Variants in NRXN3 observed in about 807,000 individuals in gnomAD.
The protein encoded by NRXN3 is neurexin III.
In NRXN3, 32 loss-of-function variants were observed where a neutral mutation model predicts 137.6. The ratio of observed to expected loss-of-function variants is 0.23; its 90% CI spans 0.18 to 0.31. The LOEUF (loss-of-function observed/expected upper bound fraction) is 0.31, where lower values mean the gene tolerates loss of function less well. Ranked by LOEUF, NRXN3 falls within the 10% of genes least tolerant of loss-of-function variation. The pLI is 1.00. For synonymous variants in NRXN3, 798 were observed against 784.5 expected, an observed-to-expected ratio of 1.02 and a Z score of -0.29; for missense variants, 1,574 against 2,062.5, an observed-to-expected ratio of 0.76 and a Z score of 4.59.
At chr14:79,850,570 G>A (rs2099389454) in intron 20 of NRXN3, among the ~76,000 whole-genome samples, 1 of 152,142 alleles carries the variant, frequency 6.6e-6, no homozygotes, top group African/African-American at 2.4e-5. Flanking sequence ...TTTAGACAGA[G>A]CTATTAGGAC....
At chr14:79,667,526 C>T (rs993168672) in intron 17 of NRXN3, among the ~76,000 whole-genome samples, 3 of 151,832 alleles carry the variant, frequency 2.0e-5, no homozygotes, top group Non-Finnish European at 4.4e-5. Context: ...CCCAGCTGGG[C>T]ACAGGGCATG....
chr14:78,353,438 C>A (rs548161478), intron 4 of NRXN3, among the ~76,000 whole-genome samples: 4 of 152,172 alleles, frequency 2.6e-5, no homozygotes, highest in African/African-American at 9.6e-5. Flanking sequence ...CTTGCTGTGT[C>A]CTCACATGGT....
At chr14:79,353,885 C>T (rs1440560336) in intron 15 of NRXN3, among the ~76,000 whole-genome samples, 1 of 152,012 alleles carries the variant, frequency 6.6e-6, no homozygotes, top group Non-Finnish European at 1.5e-5. Flanking sequence ...GTATGAGGAC[C>T]ACACATTTAT....
intron 6 of NRXN3, among the ~76,000 whole-genome samples, chr14:78,658,210 G>A (rs555680066): frequency 8.5e-5 from 13 of 152,266 alleles, no homozygotes; most frequent in Admixed American, 2.0e-4. Flanking sequence ...CATGAGAAGA[G>A]GGTGGGCTTC....
At chr14:79,847,990 T>C (rs1323893794) in intron 20 of NRXN3, among the ~76,000 whole-genome samples, 3 of 152,062 alleles carry the variant, frequency 2.0e-5, no homozygotes, top group Non-Finnish European at 4.4e-5. Flanking sequence ...ACAGGCTAAA[T>C]CTTTATGCTT....
chr14:79,239,191 G>A (rs138538585), intron 15 of NRXN3, among the ~76,000 whole-genome samples: 2,631 of 152,212 alleles, frequency 0.017, 86 homozygotes, highest in African/African-American at 0.06. Context: ...ATGACAGCAT[G>A]CTGTAATACA....
chr14:79,304,825 A>G (rs551489761), intron 15 of NRXN3, among the ~76,000 whole-genome samples: 21 of 152,156 alleles, frequency 1.4e-4, no homozygotes, highest in African/African-American at 3.9e-4. Context: ...CTCCATTTTA[A>G]TTTAGTTTAA....
rs747370846 is a variant in NRXN3, at chr14:78,956,866, A to G, written c.2276-376A>G. Among the ~76,000 whole-genome samples, 64 of 152,234 alleles carry G rather than the reference A, an allele frequency of 4.2e-4. 1 individual carries two copies. The highest frequency in any genetic ancestry group is 3.9e-4 in the Admixed American group (6 of 15,286). On this transcript the variant is annotated intron_variant, in intron 10 of 20. Transcript: ENST00000335750. ...GGCCAAATTATTCTATAGAAAAAAT[A>G]CTATGGTAAATTTCCTATATCTTAA... is the stretch of plus-strand genomic sequence containing the variant.
At chr14:79,680,509 G>A (rs1230543576) in intron 17 of NRXN3, among the ~76,000 whole-genome samples, 2 of 151,932 alleles carry the variant, frequency 1.3e-5, no homozygotes, top group Non-Finnish European at 2.9e-5. Flanking sequence ...GTTTTGGTTT[G>A]TTTCTATTGT....
intron 6 of NRXN3, among the ~76,000 whole-genome samples, chr14:78,674,985 C>T (rs1340110167): frequency 6.6e-6 from 1 of 152,106 alleles, no homozygotes; most frequent in Non-Finnish European, 1.5e-5. Context: ...AGCATGAAGA[C>T]AGTGATGAGT....
At chr14:79,003,251 C>G (rs1256924750) in intron 15 of NRXN3, among the ~76,000 whole-genome samples, 1 of 152,142 alleles carries the variant, frequency 6.6e-6, no homozygotes, top group African/African-American at 2.4e-5. Context: ...AAGAAAATTA[C>G]TGGTCTGTGA....
chr14:79,767,821 C>A (rs140714036), intron 19 of NRXN3, among the ~76,000 whole-genome samples: 7 of 152,146 alleles, frequency 4.6e-5, no homozygotes, highest in Admixed American at 3.9e-4. Flanking sequence ...GCGGGAGCAA[C>A]GCAGAAGATG....
chr14:78,623,419 A>G (rs1054200826), intron 4 of NRXN3, among the ~76,000 whole-genome samples: 2 of 152,172 alleles, frequency 1.3e-5, no homozygotes, highest in African/African-American at 4.8e-5. Flanking sequence ...CTTGTTTGCT[A>G]ACATGTTTTA....
chr14:79,403,059 G>A (rs563923542), intron 15 of NRXN3, among the ~76,000 whole-genome samples: 4 of 152,096 alleles, frequency 2.6e-5, no homozygotes, highest in East Asian at 3.9e-4. Context: ...GTTTCTTTTG[G>A]GGGGTGAATG....
At chr14:79,248,629 T>G (rs1306428780) in intron 15 of NRXN3, 1 of 152,186 alleles carries the variant, frequency 6.6e-6, no homozygotes, top group Non-Finnish European at 1.5e-5. Context: ...GGACCATAGT[T>G]GCACACTCTC....
intron 4 of NRXN3, among the ~76,000 whole-genome samples, chr14:78,444,320 C>T (rs2094348888): frequency 6.6e-6 from 1 of 152,194 alleles, no homozygotes; most frequent in Non-Finnish European, 1.5e-5. Flanking sequence ...CCCTCCTTCC[C>T]AGGGTTCCTG....
chr14:78,924,696 G>A lies in NRXN3; in HGVS notation c.2276-32546G>A, dbSNP rs76877997. Among the ~76,000 whole-genome samples the A allele has an allele frequency of 1.5e-4, 23 of 152,192 alleles. No individual in the cohort carries two copies. In the South Asian group the frequency reaches 2.1e-3, roughly 14 times the overall value. ...AAAAAAAAGTAAAGCAGTAAAATAC[G>A]TCATCCTGTAAAGTCTAAAGATTTG... is the stretch of plus-strand genomic sequence containing the variant. On this transcript the variant is annotated intron_variant, in intron 10 of 20. Transcript: ENST00000335750.
At chr14:79,511,230 A>G (rs2096929586) in intron 16 of NRXN3, among the ~76,000 whole-genome samples, 1 of 152,200 alleles carries the variant, frequency 6.6e-6, no homozygotes, top group Non-Finnish European at 1.5e-5. Flanking sequence ...ATATGATGTG[A>G]AAATTATATT....
intron 4 of NRXN3, among the ~76,000 whole-genome samples, chr14:78,484,027 C>CAGAGAGAG (rs144035954): frequency 7.3e-6 from 1 of 137,088 alleles, no homozygotes; most frequent in African/African-American, 2.9e-5. Flanking sequence ...CACACACACA[C>CAGAGAGAG]AGAGAGAGAG....
Sources: gnomAD v4.1 joint callset for allele counts (sites outside exome capture counted in the v4.1 genomes callset) on GRCh38, gnomAD v4.1.1 for gene constraint, MANE v1.5 for transcripts, NCBI Gene and HGNC (gene_info 2026-07-23, HGNC 2026-07-21) for gene names.